HSD17B3: variants seen among roughly 807,000 people sequenced by gnomAD.
The protein encoded by HSD17B3 is hydroxysteroid 17-beta dehydrogenase 3.
HSD17B3 carries 29 observed loss-of-function variants against 41.1 expected under a neutral mutation model. The ratio of observed to expected loss-of-function variants is 0.71; its 90% confidence interval spans 0.53 to 0.96. The LOEUF (loss-of-function observed/expected upper bound fraction) is 0.96, where lower values mean the gene tolerates loss of function less well. HSD17B3 is among the 40% of genes least tolerant of loss of function. The probability of loss-of-function intolerance (pLI) is 0.00; values close to 1 mark genes in which losing one functional copy is unlikely to be tolerated. For missense variants in HSD17B3, 323 were observed against 374.6 expected, an observed-to-expected ratio of 0.86 and a Z score of 1.14; for synonymous variants, 126 against 145.6, an observed-to-expected ratio of 0.87 and a Z score of 0.97.
intron 2 of HSD17B3, among the ~76,000 whole-genome samples, chr9:96,261,588 G>T (rs1359634116): frequency 1.3e-5 from 2 of 152,220 alleles, no homozygotes; most frequent in African/African-American, 4.8e-5. Context: ...GATGCAGGGT[G>T]GGGTGCATTC....
At chr9:96,255,816 T>C (rs943652928) in intron 2 of HSD17B3, among the ~76,000 whole-genome samples, 3 of 152,032 alleles carry the variant, frequency 2.0e-5, no homozygotes, top group African/African-American at 7.2e-5. Flanking sequence ...GAGCACAGGG[T>C]AGAGAGCTGG....
chr9:96,245,481 G>A, intron 7 of HSD17B3, 55 bp from the exon 8 acceptor site: 1 of 1,362,540 alleles, frequency 7.3e-7, no homozygotes, highest in Non-Finnish European at 1.1e-6. Flanking sequence ...CTGACCTTGA[G>A]TACAAAGAAA....
Position 96,244,315 on chromosome 9 carries a change from G to A in HSD17B3, c.672+14C>T. ...CCTGGATGATGACAAGGACTCCACA[G>A]CTGCCCACCTCACCTGGATGATGAC... On this transcript the variant is annotated intron_variant, in intron 9 of 10. Coordinates refer to ENST00000375263, the MANE Select transcript of HSD17B3 (RefSeq NM_000197.2). The A allele has an allele frequency of 6.2e-7, 1 of 1,613,518 alleles. No homozygotes were observed. Among genetic ancestry groups the A allele is most frequent in the Non-Finnish European group, 8.5e-7 (1 of 1,179,410 alleles).
intron 10 of HSD17B3, 72 bp from the exon 11 acceptor site, chr9:96,235,642 T>C: frequency 2.4e-6 from 3 of 1,233,970 alleles, no homozygotes. Context: ...TTGTGGTCTT[T>C]AAAAATATTT....
chr9:96,298,077 T>G (rs1010662378), intron 2 of HSD17B3, among the ~76,000 whole-genome samples: 1 of 152,194 alleles, frequency 6.6e-6, no homozygotes, highest in Non-Finnish European at 1.5e-5. Flanking sequence ...CCTAGCTTAA[T>G]GTAAATAATA....
chr9:96,292,603 C>T (rs948354289), intron 2 of HSD17B3, among the ~76,000 whole-genome samples: 1 of 152,192 alleles, frequency 6.6e-6, no homozygotes, highest in African/African-American at 2.4e-5. Context: ...CCGCCTCAGC[C>T]TCCCAAAATG....
At chr9:96,272,405 C>CTCTCTCTCTCTATATA (rs1239816824) in intron 2 of HSD17B3, among the ~76,000 whole-genome samples, 2 of 21,534 alleles carry the variant, frequency 9.3e-5, no homozygotes, top group South Asian at 1.8e-3. Flanking sequence ...CTCTCTCTCT[C>CTCTCTCTCTCTATATA]TATATATATA....
At chr9:96,260,043 C>T (rs1825805625) in intron 2 of HSD17B3, among the ~76,000 whole-genome samples, 1 of 152,126 alleles carries the variant, frequency 6.6e-6, no homozygotes, top group Non-Finnish European at 1.5e-5. Context: ...TGCCTTGCTC[C>T]CTACTGTCCT....
intron 2 of HSD17B3, among the ~76,000 whole-genome samples, chr9:96,288,594 A>T (rs1827019427): frequency 6.6e-6 from 1 of 152,006 alleles, no homozygotes; most frequent in African/African-American, 2.4e-5. Context: ...CAACCCAGGC[A>T]ACACAGCAAG....
chr9:96,235,594 G>A, intron 10 of HSD17B3, 24 bp from the exon 11 acceptor site: 4 of 1,585,830 alleles, frequency 2.5e-6, no homozygotes, highest in Non-Finnish European at 3.5e-6. Context: ...AAGCATCAGT[G>A]TTGGGGAGGA....
intron 2 of HSD17B3, among the ~76,000 whole-genome samples, chr9:96,273,785 A>G (rs911765948): frequency 7.2e-5 from 11 of 152,118 alleles, no homozygotes; most frequent in African/African-American, 2.7e-4. Flanking sequence ...CACTAACCCA[A>G]GCTGACTGCT....
At chr9:96,245,314 G>T (rs747156034) in intron 8 of HSD17B3, 31 bp downstream of exon 8, 7 of 1,532,518 alleles carry the variant, frequency 4.6e-6, no homozygotes, top group Non-Finnish European at 6.3e-6. Flanking sequence ...GAGGAAGAAG[G>T]AAGAGACTTG....
chr9:96,252,850 T>C lies in HSD17B3; in HGVS notation c.338A>G (p.Tyr113Cys). ...IQADFTKDDI[Y>C]EHIKEKLAGL... ...TGCAAGTTTTTCTTTAATATGCTCG[T>C]AGATGTCATCTTTTGTAAAATCTGC... The change falls in exon 4 of 11, where the codon TAC becomes TGC. Residue 113 changes from tyrosine to cysteine, a missense_variant. Transcript: ENST00000375263. 1 of 1,613,690 alleles carries C rather than the reference T, an allele frequency of 6.2e-7. No homozygotes were observed. Among genetic ancestry groups the C allele is most frequent in the Non-Finnish European group, 8.5e-7 (1 of 1,179,602 alleles).
At chr9:96,297,341 C>CTTTTT (rs71368242) in intron 2 of HSD17B3, among the ~76,000 whole-genome samples, 7 of 73,572 alleles carry the variant, frequency 9.5e-5, no homozygotes, top group Non-Finnish European at 1.3e-4. Context: ...TTATTGATTT[C>CTTTTT]TTTTTTTTTT....
intron 2 of HSD17B3, among the ~76,000 whole-genome samples, chr9:96,256,893 T>C (rs1238195560): frequency 6.6e-6 from 1 of 151,962 alleles, no homozygotes; most frequent in African/African-American, 2.4e-5. Flanking sequence ...TGGGGCCTGA[T>C]GGGAGGTGAT....
At chr9:96,267,030 G>A (rs1166990681) in intron 2 of HSD17B3, among the ~76,000 whole-genome samples, 4 of 152,142 alleles carry the variant, frequency 2.6e-5, no homozygotes, top group African/African-American at 7.2e-5. Context: ...GGCATGTCCA[G>A]GCAGGTTCCT....
Position 96,235,437 on chromosome 9 carries a change from G to T in HSD17B3, c.*23C>A. ...GCATGGGACTGGTGAGGAAAAGGTT[G>T]TGCTGGACTCCTCACCGCCTGGCTA... is the stretch of plus-strand genomic sequence containing the variant. On this transcript the variant is annotated 3_prime_UTR_variant, in exon 11 of 11. Coordinates refer to ENST00000375263, the MANE Select transcript of HSD17B3 (RefSeq NM_000197.2). 6.5e-7 allele frequency: 1 copy of T among 1,532,644 alleles called. No individual in the cohort carries two copies. Among genetic ancestry groups the T allele is most frequent in the Non-Finnish European group, 9.0e-7 (1 of 1,109,424 alleles). 94.9% of individuals were successfully genotyped at this position (1,532,644 alleles called of 1,614,324 possible). A position where few individuals can be genotyped will look rare whatever the true frequency, so the allele number is the denominator to read the frequency against.
At position 96,251,468 on chromosome 9, in the gene HSD17B3, G is replaced by A; in HGVS notation, c.403C>T (p.Leu135Phe). 1 of 1,614,168 alleles carries A rather than the reference G, an allele frequency of 6.2e-7. No individual in the cohort carries two copies. The highest frequency in any genetic ancestry group is 8.5e-7 in the Non-Finnish European group (1 of 1,179,974). Reference protein sequence around the residue: ...IGILVNNVGMLPNLLPSHFLN... With the variant: ...IGILVNNVGMFPNLLPSHFLN... ...AAATGGCTTGGGAGAAGGTTTGGAA[G>A]CATTCCGACATTGTTGACTGGCAGA... The change falls in exon 5 of 11, where the codon CTT (leucine) becomes TTT (phenylalanine). Residue 135 changes from leucine to phenylalanine, a missense_variant. By Grantham distance (22) the Leu-to-Phe change is conservative. Coordinates refer to ENST00000375263, the MANE Select transcript of HSD17B3 (RefSeq NM_000197.2).
chr9:96,264,987 G>C (rs902899127), intron 2 of HSD17B3, among the ~76,000 whole-genome samples: 1 of 152,138 alleles, frequency 6.6e-6, no homozygotes, highest in Non-Finnish European at 1.5e-5. Flanking sequence ...AAAAAAGCAA[G>C]CTGATGATTG....
Sources: gnomAD v4.1 joint callset for allele counts (sites outside exome capture counted in the v4.1 genomes callset) on GRCh38, gnomAD v4.1.1 for gene constraint, MANE v1.5 for transcripts, NCBI Gene and HGNC (gene_info 2026-07-23, HGNC 2026-07-21) for gene names.